PAPPA: variants seen among roughly 807,000 people sequenced by gnomAD.
PAPPA encodes the protein pappalysin-1.
PAPPA carries 60 observed loss-of-function variants against 164.0 expected under a neutral mutation model. The ratio of observed to expected loss-of-function variants is 0.37; its 90% CI spans 0.30 to 0.45. PAPPA has a LOEUF of 0.45. Ranked by LOEUF, PAPPA falls within the 20% of genes least tolerant of loss-of-function variation. PAPPA has a pLI of 1.00. For missense variants in PAPPA, 1,782 were observed against 2,087.3 expected (o/e 0.85, Z 2.85); for synonymous variants, 875 against 814.1 (o/e 1.07, Z -1.27).
rs1846971063 is a variant in PAPPA at position 116,396,811 on chromosome 9, T to C, written c.*195T>C. The C allele has an allele frequency of 3.4e-6, 2 of 585,340 alleles. No homozygotes were observed. Among genetic ancestry groups the C allele is most frequent in the South Asian group, 4.2e-5 (2 of 47,110 alleles). The allele number at this position is 585,340 out of a possible 1,614,324, so 36.3% of individuals were successfully genotyped here. A position where few individuals can be genotyped will look rare whatever the true frequency, so the allele number is the denominator to read the frequency against. The stretch of plus-strand genomic sequence containing the variant: ...AACCAAGTTTCGCCATGCTGGATGA[T>C]GAAATGGATTCCCATCCCAAAGTCT... On this transcript the variant is annotated 3_prime_UTR_variant, in exon 22 of 22. Transcript: ENST00000328252.
chr9:116,242,590 A>G (rs1242128975), intron 7 of PAPPA, among the ~76,000 whole-genome samples: 2 of 152,248 alleles, frequency 1.3e-5, no homozygotes, highest in East Asian at 3.8e-4. Flanking sequence ...CATTTAGGTC[A>G]CTTCACACAT....
At chr9:116,278,953 T>C (rs1845234946) in intron 9 of PAPPA, among the ~76,000 whole-genome samples, 1 of 152,210 alleles carries the variant, frequency 6.6e-6, no homozygotes, top group Non-Finnish European at 1.5e-5. Flanking sequence ...CCCTTCCTCA[T>C]TGCCTATCTC....
intron 17 of PAPPA, among the ~76,000 whole-genome samples, chr9:116,360,652 T>C (rs1364801101): frequency 6.6e-6 from 1 of 152,210 alleles, no homozygotes; most frequent in Non-Finnish European, 1.5e-5. Flanking sequence ...TCATTTATTT[T>C]CTTATTTCTT....
chr9:116,201,640 G>T (rs1051189105), intron 2 of PAPPA, among the ~76,000 whole-genome samples: 6 of 152,070 alleles, frequency 3.9e-5, no homozygotes, highest in Non-Finnish European at 8.8e-5. Context: ...TTACCTCCTT[G>T]AATTTTTGTA....
intron 9 of PAPPA, among the ~76,000 whole-genome samples, chr9:116,289,729 T>C (rs948546307): frequency 6.6e-6 from 1 of 152,182 alleles, no homozygotes; most frequent in African/African-American, 2.4e-5. Flanking sequence ...TTATCTTCTA[T>C]GTACTAGTAT....
At chr9:116,215,074 A>G (rs1277049069) in intron 4 of PAPPA, among the ~76,000 whole-genome samples, 1 of 152,204 alleles carries the variant, frequency 6.6e-6, no homozygotes, top group Non-Finnish European at 1.5e-5. Flanking sequence ...ACTGCAAGGT[A>G]TTCATGTGAT....
intron 17 of PAPPA, 56 bp downstream of exon 17, chr9:116,353,849 A>G: frequency 3.6e-6 from 5 of 1,389,530 alleles, no homozygotes; most frequent in Non-Finnish European, 5.0e-6. Flanking sequence ...TCTGCTTACC[A>G]AAAACTAGCC....
chr9:116,322,488 T>A (rs1306453807), intron 10 of PAPPA, among the ~76,000 whole-genome samples: 1 of 149,834 alleles, frequency 6.7e-6, no homozygotes, highest in Non-Finnish European at 1.5e-5. Context: ...GAGAACATCA[T>A]CTGATAAAAA....
At chr9:116,197,477 T>C (rs1291424785) in intron 2 of PAPPA, among the ~76,000 whole-genome samples, 1 of 152,230 alleles carries the variant, frequency 6.6e-6, no homozygotes, top group African/African-American at 2.4e-5. Context: ...TGGTACCCCA[T>C]ACTGGGGCAG....
At chr9:116,327,170 C>T (rs1439175318) in intron 10 of PAPPA, among the ~76,000 whole-genome samples, 1 of 152,102 alleles carries the variant, frequency 6.6e-6, no homozygotes, top group East Asian at 1.9e-4. Flanking sequence ...ATGTGTTCCA[C>T]AAGACAGGGA....
chr9:116,299,142 A>G (rs1271562814), intron 9 of PAPPA, among the ~76,000 whole-genome samples: 1 of 152,180 alleles, frequency 6.6e-6, no homozygotes, highest in Non-Finnish European at 1.5e-5. Context: ...ACAGAAACTG[A>G]ATAGCTGTGT....
chr9:116,387,386 T>C (rs1846829191), intron 21 of PAPPA, among the ~76,000 whole-genome samples: 1 of 152,228 alleles, frequency 6.6e-6, no homozygotes, highest in Non-Finnish European at 1.5e-5. Context: ...TAGATGTTGT[T>C]CTTTTTTCTT....
At chr9:116,225,364 C>T (rs1844493664) in intron 5 of PAPPA, among the ~76,000 whole-genome samples, 1 of 152,092 alleles carries the variant, frequency 6.6e-6, no homozygotes, top group South Asian at 2.1e-4. Flanking sequence ...AAGAGTAACT[C>T]ATGTATTTAA....
chr9:116,179,670 G>T (rs78029030), intron 1 of PAPPA, among the ~76,000 whole-genome samples: 1,808 of 152,300 alleles, frequency 0.012, 15 homozygotes, highest in East Asian at 0.025. Flanking sequence ...GCCTGATGGT[G>T]CTGAGTCCTC....
Position 116,401,194 on chromosome 9 carries a change from C to G in PAPPA, c.*4578C>G, listed in dbSNP as rs971468297. The G allele has an allele frequency of 1.3e-5, 2 of 152,584 alleles. No homozygotes were observed. Among genetic ancestry groups the G allele is most frequent in the African/African-American group, 2.4e-5 (1 of 41,444 alleles). The allele number at this position is 152,584 out of a possible 1,614,324, so 9.5% of individuals were successfully genotyped here. A position where few individuals can be genotyped will look rare whatever the true frequency, so the allele number is the denominator to read the frequency against. The stretch of plus-strand genomic sequence containing the variant: ...TTTTTTTGGCAAATTTGATCTTACC[C>G]TTTACCAGTTCTATAATTTGGTTAA... On this transcript the variant is annotated 3_prime_UTR_variant, in exon 22 of 22. Coordinates refer to ENST00000328252, the MANE Select transcript of PAPPA (RefSeq NM_002581.5).
intron 17 of PAPPA, among the ~76,000 whole-genome samples, chr9:116,355,581 G>A (rs1846342488): frequency 6.6e-6 from 1 of 152,176 alleles, no homozygotes. Flanking sequence ...CCTCTTGCAG[G>A]CTGATCAGCT....
chr9:116,280,345 G>A (rs1370014023), intron 9 of PAPPA, among the ~76,000 whole-genome samples: 1 of 152,100 alleles, frequency 6.6e-6, no homozygotes, highest in Non-Finnish European at 1.5e-5. Context: ...TACATTGAGG[G>A]GGTCAAGGAG....
At position 116,227,321 on chromosome 9, in the gene PAPPA, AAC is replaced by A. The variant is rs1339708448; in HGVS notation, c.2112-106_2112-105del. 7.9e-6 allele frequency: 9 copies of A among 1,140,110 alleles called. No individual in the cohort carries two copies. In the East Asian group the frequency reaches 1.9e-4, roughly 24 times the overall value. The allele number at this position is 1,140,110 out of a possible 1,614,324, so 70.6% of individuals were successfully genotyped here. ...GGCATATGTAGGCAGGAAAGGGGGA[AAC>A]ACAGATTTGTTGTGTCCTCTGCCCC... On this transcript the variant is annotated intron_variant, in intron 5 of 21. Coordinates refer to ENST00000328252, the MANE Select transcript of PAPPA (RefSeq NM_002581.5).
At chr9:116,385,651 T>C (rs1846800040) in intron 21 of PAPPA, among the ~76,000 whole-genome samples, 2 of 152,354 alleles carry the variant, frequency 1.3e-5, no homozygotes. Context: ...TTCCTCCTTG[T>C]CTACCCACAT....
Sources: gnomAD v4.1 joint callset for allele counts (sites outside exome capture counted in the v4.1 genomes callset) on GRCh38, gnomAD v4.1.1 for gene constraint, MANE v1.5 for transcripts, NCBI Gene and HGNC (gene_info 2026-07-23, HGNC 2026-07-21) for gene names.